Variants in TTC7B observed in about 807,000 individuals in gnomAD.
The protein encoded by TTC7B is tetratricopeptide repeat domain 7B.
TTC7B carries 28 observed loss-of-function variants against 106.8 expected under a neutral mutation model. The observed-to-expected ratio is 0.26, with a 90% CI of 0.19 to 0.36. The LOEUF is 0.36. Among genes scored for constraint, TTC7B ranks in the 10% least tolerant of loss-of-function variants. The pLI is 1.00. For missense variants in TTC7B, 862 were observed against 1,076.4 expected, an observed-to-expected ratio of 0.80 and a Z score of 2.79; for synonymous variants, 405 against 430.6, an observed-to-expected ratio of 0.94 and a Z score of 0.74.
At chr14:90,720,494 A>G (rs1426611163) in intron 5 of TTC7B, among the ~76,000 whole-genome samples, 2 of 152,142 alleles carry the variant, frequency 1.3e-5, no homozygotes, top group African/African-American at 2.4e-5. Flanking sequence ...GCCGTAACAC[A>G]TCATCTGAAA....
intron 9 of TTC7B, among the ~76,000 whole-genome samples, chr14:90,658,968 G>A (rs994983636): frequency 6.6e-6 from 1 of 152,216 alleles, no homozygotes; most frequent in East Asian, 1.9e-4. Context: ...TAGGAAGATC[G>A]TGGGGGACTG....
At chr14:90,812,520 C>T (rs889117784) in intron 1 of TTC7B, among the ~76,000 whole-genome samples, 2 of 152,118 alleles carry the variant, frequency 1.3e-5, no homozygotes, top group Admixed American at 6.5e-5. Context: ...CGTCTGAAGC[C>T]GGCCCAAGAA....
rs2030678393 is a variant in TTC7B, at chr14:90,525,558, A to T, written c.*15810T>A. 1 of 151,002 alleles carries T rather than the reference A, an allele frequency of 6.6e-6. No individual in the cohort carries two copies. The highest frequency in any genetic ancestry group is 2.1e-4 in the South Asian group (1 of 4,746). The allele number at this position is 151,002 out of a possible 1,614,324, so 9.4% of individuals were successfully genotyped here. A position where few individuals can be genotyped will look rare whatever the true frequency, so the allele number is the denominator to read the frequency against. On this transcript the variant is annotated 3_prime_UTR_variant, in exon 20 of 20. Transcript: ENST00000328459. ...GCTGCGTCTCCGGTCACCGAACGGG[A>T]CGGCGGGATGGCGGGGTCGATCTGT...
chr14:90,693,715 T>C (rs76086704), intron 6 of TTC7B, among the ~76,000 whole-genome samples: 14,758 of 152,230 alleles, frequency 0.097, 959 homozygotes, highest in Middle Eastern at 0.16. Context: ...ATAACAACTG[T>C]TGTTGAGGGT....
Position 90,657,521 on chromosome 14 carries a change from T to C in TTC7B, c.1237-243A>G, listed in dbSNP as rs1886000705. 2.4e-6 allele frequency: 1 copy of C among 411,538 alleles called. No homozygotes were observed. The highest frequency in any genetic ancestry group is 2.0e-5 in the African/African-American group (1 of 49,802). 25.5% of individuals were successfully genotyped at this position (411,538 alleles called of 1,614,324 possible). On this transcript the variant is annotated intron_variant, in intron 10 of 19. Coordinates refer to ENST00000328459, the MANE Select transcript of TTC7B (RefSeq NM_001010854.2). This position sits in a 1 kb window ranked among gnomAD's most constrained non-coding sequence, Gnocchi z 4.2. ...CTGGCGCCACCTGAATTTCATTCCA[T>C]ACTTGTGTAGCTATTGGAAAATTAA...
intron 19 of TTC7B, among the ~76,000 whole-genome samples, chr14:90,553,421 G>A (rs923726602): frequency 2.0e-5 from 3 of 152,196 alleles, no homozygotes; most frequent in Admixed American, 2.0e-4. Context: ...GGGTTTGGGG[G>A]ATGCCTGGGC....
intron 6 of TTC7B, among the ~76,000 whole-genome samples, chr14:90,694,678 T>TTTTTATTTTATTATAAAATCTA: frequency 2.2e-5 from 1 of 45,970 alleles, no homozygotes; most frequent in South Asian, 8.1e-4. Context: ...TATATGTATA[T>TTTTTATTTTATTATAAAATCTA]TTTTATTTTA....
In TTC7B at chr14:90,536,275, C is replaced by G. The variant is rs564521938; in HGVS notation, c.*5093G>C. 1 of 154,620 alleles carries G rather than the reference C, an allele frequency of 6.5e-6. No individual in the cohort carries two copies. 9.6% of individuals were successfully genotyped at this position (154,620 alleles called of 1,614,324 possible). A position where few individuals can be genotyped will look rare whatever the true frequency, so the allele number is the denominator to read the frequency against. On this transcript the variant is annotated 3_prime_UTR_variant, in exon 20 of 20. Transcript: ENST00000328459. ...TTCATTTCCCAGCCTGTAAACCCCG[C>G]CAGCCCCGGAGCTCAGCCCTGACCT...
At chr14:90,727,172 T>C (rs1555393769) in intron 5 of TTC7B, among the ~76,000 whole-genome samples, 1 of 152,040 alleles carries the variant, frequency 6.6e-6, no homozygotes, top group Middle Eastern at 3.2e-3. Context: ...GGGAAAGCCT[T>C]AGGAGAAATC....
chr14:90,610,737 C>G lies in TTC7B; in HGVS notation c.1966+5G>C, dbSNP rs751452276. ...ATTTCGTCCCCTCTGGCTTTTTATT[C>G]TCACCTGTCTCGGGATCGCTGAAGT... On this transcript the variant is annotated splice_donor_5th_base_variant and intron_variant, in intron 17 of 19. Transcript: ENST00000328459. The G allele has an allele frequency of 1.2e-6, 2 of 1,608,198 alleles. No individual in the cohort carries two copies. The highest frequency in any genetic ancestry group is 1.7e-6 in the Non-Finnish European group (2 of 1,174,832).
At chr14:90,587,991 G>A (rs947206000) in intron 18 of TTC7B, among the ~76,000 whole-genome samples, 2 of 152,200 alleles carry the variant, frequency 1.3e-5, no homozygotes, top group Non-Finnish European at 2.9e-5. Flanking sequence ...ACATATTAAA[G>A]TCCTTGGAAT....
At position 90,541,593 on chromosome 14, in the gene TTC7B, G is replaced by A; in HGVS notation, c.2311-4C>T. 6.4e-7 allele frequency: 1 copy of A among 1,564,300 alleles called. No homozygotes were observed. Among genetic ancestry groups the A allele is most frequent in the South Asian group, 1.2e-5 (1 of 84,942 alleles). ...CTAGCTGGTGAAGGATCAGGGCCTG[G>A]AGAGGTCAGAGAGAGAGAGAGACAG... On this transcript the variant is annotated splice_polypyrimidine_tract_variant and splice_region_variant and intron_variant, in intron 19 of 19. Transcript: ENST00000328459.
At chr14:90,720,450 T>C (rs1213189193) in intron 5 of TTC7B, among the ~76,000 whole-genome samples, 2 of 152,138 alleles carry the variant, frequency 1.3e-5, no homozygotes, top group Admixed American at 6.6e-5. Flanking sequence ...TGGCTCAGAG[T>C]GGAAGCTGAT....
At chr14:90,562,170 AC>A in intron 19 of TTC7B, among the ~76,000 whole-genome samples, 1 of 151,378 alleles carries the variant, frequency 6.6e-6, no homozygotes, top group South Asian at 2.1e-4. Context: ...TCCAGGAAAA[AC>A]CCCGGTCAGC....
rs187681326 is a variant in TTC7B at position 90,803,544 on chromosome 14, C to T, written c.121+12631G>A. 6.2e-4 allele frequency among the ~76,000 whole-genome samples: 95 copies of T among 152,288 alleles called. 1 individual carries two copies. The highest frequency in any genetic ancestry group is 2.3e-3 in the African/African-American group (94 of 41,556). ...ACTCCCATAACTCTCCTGGTTTAAA[C>T]TGTGGCCCAGTTCAGAGGGCCTGGC... On this transcript the variant is annotated intron_variant, in intron 1 of 19. Coordinates refer to ENST00000328459, the MANE Select transcript of TTC7B (RefSeq NM_001010854.2).
chr14:90,735,374 G>C (rs1889478598), intron 4 of TTC7B, among the ~76,000 whole-genome samples: 1 of 151,690 alleles, frequency 6.6e-6, no homozygotes. Context: ...AGGTGTGGTG[G>C]TGTGTACCTG....
At chr14:90,591,621 T>TCAGCCCTTCTAGTGTTTTAGACTC (rs1258703497) in intron 18 of TTC7B, among the ~76,000 whole-genome samples, 2 of 152,202 alleles carry the variant, frequency 1.3e-5, no homozygotes, top group African/African-American at 4.8e-5. Flanking sequence ...GGGATGGCCT[T>TCAGCCCTTCTAGTGTTTTAGACTC]CAGCCCTTCT....
At chr14:90,680,450 T>C in intron 8 of TTC7B, 22 bp downstream of exon 8, 1 of 1,603,272 alleles carries the variant, frequency 6.2e-7, no homozygotes, top group Non-Finnish European at 8.5e-7. Flanking sequence ...GAAAGAACGA[T>C]GTAAAAACAC....
At chr14:90,784,065 C>T (rs1006763394) in intron 2 of TTC7B, among the ~76,000 whole-genome samples, 23 of 151,762 alleles carry the variant, frequency 1.5e-4, no homozygotes, top group African/African-American at 2.2e-4. Context: ...GGCGGGTAGA[C>T]GGGGGAAAGA....
Sources: allele counts gnomAD v4.1 joint callset (sites outside exome capture counted in the v4.1 genomes callset), GRCh38; gene constraint gnomAD v4.1.1; non-coding constraint Gnocchi (gnomAD v3.1); transcripts MANE v1.5; gene names NCBI Gene and HGNC (gene_info 2026-07-23, HGNC 2026-07-21).